The following FHIT variants were observed in gnomAD, a reference collection of about 807,000 sequenced individuals.
The protein encoded by FHIT is fragile histidine triad diadenosine triphosphatase, also known as bis(5'-adenosyl)-triphosphatase.
In FHIT, 19 loss-of-function variants were observed where a neutral mutation model predicts 17.9. The ratio of observed to expected loss-of-function variants is 1.06; its 90% CI spans 0.74 to 1.56. The LOEUF is 1.56. Ranked by LOEUF, FHIT falls within the 40% of genes most tolerant of loss-of-function variation. The pLI, the probability that FHIT is intolerant of heterozygous loss-of-function variation, is 0.00. For missense variants in FHIT, 248 were observed against 189.2 expected (o/e 1.31, Z -1.82); for synonymous variants, 81 against 69.7 (o/e 1.16, Z -0.81).
intron 2 of FHIT, among the ~76,000 whole-genome samples, chr3:61,098,907 T>C (rs1317006470): frequency 2.0e-5 from 3 of 152,184 alleles, no homozygotes; most frequent in African/African-American, 4.8e-5. Context: ...TGAATGCACT[T>C]TATTTCTTTA....
At chr3:60,386,918 G>C (rs956036249) in intron 5 of FHIT, among the ~76,000 whole-genome samples, 1 of 152,088 alleles carries the variant, frequency 6.6e-6, no homozygotes. Context: ...CAATTCCATA[G>C]CCTGTTAGGG....
At chr3:60,322,569 A>C (rs1001507297) in intron 5 of FHIT, among the ~76,000 whole-genome samples, 5 of 152,206 alleles carry the variant, frequency 3.3e-5, no homozygotes, top group Admixed American at 3.3e-4. Flanking sequence ...GCACCGGACA[A>C]GAAAAACAAG....
chr3:61,111,439 G>A (rs1381375308), intron 2 of FHIT, among the ~76,000 whole-genome samples: 2 of 152,096 alleles, frequency 1.3e-5, no homozygotes, highest in African/African-American at 4.8e-5. Flanking sequence ...CATACATTTG[G>A]AGGATCACCA....
chr3:60,225,985 C>T (rs572720826), intron 5 of FHIT, among the ~76,000 whole-genome samples: 1 of 152,080 alleles, frequency 6.6e-6, no homozygotes, highest in Non-Finnish European at 1.5e-5. Flanking sequence ...AGGCTGGGCG[C>T]TCTGTTTATA....
intron 4 of FHIT, among the ~76,000 whole-genome samples, chr3:60,696,950 A>G (rs1424266074): frequency 6.6e-6 from 1 of 152,064 alleles, no homozygotes; most frequent in Non-Finnish European, 1.5e-5. Context: ...AAAAGTAAAT[A>G]TTTGTGGCAC....
At chr3:60,941,925 G>A (rs972871432) in intron 3 of FHIT, among the ~76,000 whole-genome samples, 3 of 152,152 alleles carry the variant, frequency 2.0e-5, no homozygotes, top group African/African-American at 7.2e-5. Flanking sequence ...GGTAAAATTA[G>A]GTTCCCTGTC....
intron 7 of FHIT, among the ~76,000 whole-genome samples, chr3:59,943,167 C>A (rs1045807830): frequency 1.3e-5 from 2 of 152,110 alleles, no homozygotes; most frequent in African/African-American, 4.8e-5. Context: ...GAAGTGCTTG[C>A]ACGATGCAGG....
At chr3:60,059,356 C>T (rs1159493154) in intron 5 of FHIT, among the ~76,000 whole-genome samples, 1 of 152,148 alleles carries the variant, frequency 6.6e-6, no homozygotes, top group African/African-American at 2.4e-5. Context: ...TAAACACACT[C>T]ACATGCTCAC....
chr3:60,365,167 T>C (rs115524555), intron 5 of FHIT, among the ~76,000 whole-genome samples: 37,529 of 148,782 alleles, frequency 0.25, 6,219 homozygotes, highest in Non-Finnish European at 0.37. Flanking sequence ...ATGTATTTAA[T>C]ACTATATTAT....
At chr3:60,341,151 G>A (rs1018767088) in intron 5 of FHIT, among the ~76,000 whole-genome samples, 1 of 152,148 alleles carries the variant, frequency 6.6e-6, no homozygotes, top group Non-Finnish European at 1.5e-5. Context: ...GTATATCCTT[G>A]AGTACACAGA....
intron 4 of FHIT, among the ~76,000 whole-genome samples, chr3:60,596,782 C>G (rs1010894990): frequency 1.3e-5 from 2 of 152,120 alleles, no homozygotes; most frequent in African/African-American, 4.8e-5. Flanking sequence ...ATAATACTTT[C>G]TATCTCATAA....
intron 5 of FHIT, among the ~76,000 whole-genome samples, chr3:60,196,386 C>T (rs1244678465): frequency 6.6e-6 from 1 of 152,152 alleles, no homozygotes; most frequent in Non-Finnish European, 1.5e-5. Flanking sequence ...CAGACCTCTG[C>T]ATCCCTCATC....
At chr3:60,825,238 A>C (rs990198436) in intron 3 of FHIT, among the ~76,000 whole-genome samples, 5 of 152,192 alleles carry the variant, frequency 3.3e-5, no homozygotes, top group Admixed American at 3.3e-4. Flanking sequence ...ACATAAGGGG[A>C]CATATATTAA....
In FHIT at chr3:60,698,283, T is replaced by C. The variant is rs143981534; in HGVS notation, c.-18+123636A>G. On this transcript the variant is annotated intron_variant, in intron 4 of 9. Transcript: ENST00000492590. ...CATAGATACAGCATTTGTACTGACA[T>C]TCTACACCACTCCATAAGAATGCAG... 2.5e-4 allele frequency among the ~76,000 whole-genome samples: 37 copies of C among 148,428 alleles called. No homozygotes were observed. The East Asian group carries it at 7.2e-3, about 29-fold the overall frequency.
chr3:61,157,625 T>C (rs142125484), intron 2 of FHIT, among the ~76,000 whole-genome samples: 36 of 152,260 alleles, frequency 2.4e-4, no homozygotes, highest in African/African-American at 8.7e-4. Context: ...ACAGTGATAG[T>C]CAGAAGAAAG....
At chr3:60,525,276 G>A (rs756444803) in intron 5 of FHIT, among the ~76,000 whole-genome samples, 22 of 152,136 alleles carry the variant, frequency 1.4e-4, no homozygotes, top group Non-Finnish European at 2.8e-4. Flanking sequence ...CAGATCTTCA[G>A]AAAATATTTA....
chr3:60,535,172 C>T (rs975734974), intron 5 of FHIT, among the ~76,000 whole-genome samples: 25 of 152,196 alleles, frequency 1.6e-4, no homozygotes, highest in African/African-American at 6.0e-4. Flanking sequence ...TGTACTGAGC[C>T]AAGATTGTGC....
At chr3:59,869,365 A>G (rs983264685) in intron 8 of FHIT, among the ~76,000 whole-genome samples, 6 of 151,732 alleles carry the variant, frequency 4.0e-5, no homozygotes, top group Admixed American at 3.9e-4. Context: ...TAGGTGATAC[A>G]TTTCCCAATT....
In FHIT at chr3:60,526,975, C is replaced by G. The variant is rs892721994; in HGVS notation, c.103+9885G>C. The stretch of plus-strand genomic sequence containing the variant: ...TGTCCTCACGTATCCTCTCCCTTTG[C>G]GGTTTGGGGGCGTGGAGGTATGTTT... On this transcript the variant is annotated intron_variant, in intron 5 of 9. Coordinates refer to ENST00000492590, the MANE Select transcript of FHIT (RefSeq NM_002012.4). Among the ~76,000 whole-genome samples the G allele has an allele frequency of 2.0e-5, 3 of 152,274 alleles. No homozygotes were observed. In the East Asian group the frequency reaches 5.8e-4, roughly 29 times the overall value.
Sources: gnomAD v4.1 joint callset for allele counts (sites outside exome capture counted in the v4.1 genomes callset) on GRCh38, gnomAD v4.1.1 for gene constraint, MANE v1.5 for transcripts, NCBI Gene and HGNC (gene_info 2026-07-23, HGNC 2026-07-21) for gene names.